Variants in FSTL4 observed in about 807,000 individuals in gnomAD.
FSTL4 encodes the protein follistatin-related protein 4.
FSTL4 carries 28 observed loss-of-function variants against 78.2 expected under a neutral mutation model. That is an observed-to-expected ratio of 0.36 (90% CI 0.27 to 0.49). The LOEUF (loss-of-function observed/expected upper bound fraction) is 0.49. Ranked by LOEUF, FSTL4 falls within the 20% of genes least tolerant of loss-of-function variation. The pLI is 0.98. For synonymous variants in FSTL4, 422 were observed against 440.5 expected (o/e 0.96, Z 0.53); for missense variants, 922 against 1,084.9 (o/e 0.85, Z 2.11).
At chr5:133,604,584 C>T (rs1388063911) in intron 1 of FSTL4, among the ~76,000 whole-genome samples, 1 of 152,134 alleles carries the variant, frequency 6.6e-6, no homozygotes, top group South Asian at 2.1e-4. Flanking sequence ...TAGCAGGCAC[C>T]TGTAATTCCA....
the FSTL4 span, among the ~76,000 whole-genome samples, chr5:133,770,831 G>GT: frequency 6.6e-6 from 1 of 151,956 alleles, no homozygotes; most frequent in East Asian, 1.9e-4. Flanking sequence ...TTTTTCATAG[G>GT]TTTTCTTCTA....
chr5:133,615,764 A>C (rs2112991181), upstream of FSTL4, among the ~76,000 whole-genome samples: 1 of 152,350 alleles, frequency 6.6e-6, no homozygotes, highest in African/African-American at 2.4e-5. Flanking sequence ...ATTGTTTTTA[A>C]CTTTATTTCA....
At chr5:133,727,579 G>A in the FSTL4 span, among the ~76,000 whole-genome samples, 2 of 152,200 alleles carry the variant, frequency 1.3e-5, no homozygotes, top group Admixed American at 6.5e-5. Flanking sequence ...GCCCTACAAG[G>A]TTGAGGTAGG....
intron 3 of FSTL4, among the ~76,000 whole-genome samples, chr5:133,455,360 C>T (rs80120898): frequency 0.038 from 5,804 of 152,222 alleles, 156 homozygotes; most frequent in African/African-American, 0.065. Context: ...GGCAAGGAAA[C>T]GCTGAACCCA....
In FSTL4 at chr5:133,249,521, G is replaced by A. The variant is rs375676940; in HGVS notation, c.783C>T (p.Thr261=). The A allele has an allele frequency of 5.9e-5, 95 of 1,613,482 alleles. No individual in the cohort carries two copies. Among genetic ancestry groups the A allele is most frequent in the Non-Finnish European group, 7.0e-5 (83 of 1,179,596 alleles). Residue 261 remains threonine, a synonymous_variant, in exon 7 of 16, where the codon ACC becomes ACT. Transcript: ENST00000265342. ...AGGTCAGCACTGTGCTCAGCCCCACGGTCACTGTGGTCACACTGACCCTGT... is the reference window on the plus strand; with the variant it reads ...AGGTCAGCACTGTGCTCAGCCCCACAGTCACTGTGGTCACACTGACCCTGT... ...PEDRVSVTTV[T]VGLSTVLTCA... is the part of the protein sequence containing the mutation.
chr5:133,725,122 A>G, the FSTL4 span, among the ~76,000 whole-genome samples: 1 of 152,212 alleles, frequency 6.6e-6, no homozygotes, highest in Non-Finnish European at 1.5e-5. Context: ...GTAGCTTTAT[A>G]GTAAGCCTTT....
At chr5:133,808,562 A>G in the FSTL4 span, among the ~76,000 whole-genome samples, 2 of 152,266 alleles carry the variant, frequency 1.3e-5, no homozygotes, top group Non-Finnish European at 2.9e-5. Context: ...TGAACTTCGC[A>G]GTATTAAAAA....
At position 133,313,210 on chromosome 5, in the gene FSTL4, T is replaced by G. The variant is rs770349890; in HGVS notation, c.604-433A>C. On this transcript the variant is annotated intron_variant, in intron 5 of 15. Transcript: ENST00000265342. ...AGAGGTCTGCCAGCTTCCAGCTGCATAGAGCTGGAGGTCACTGCTGCATCA... is the reference window on the plus strand; with the variant it reads ...AGAGGTCTGCCAGCTTCCAGCTGCAGAGAGCTGGAGGTCACTGCTGCATCA... Among the ~76,000 whole-genome samples the G allele has an allele frequency of 2.6e-5, 4 of 152,172 alleles. No individual in the cohort carries two copies. In the East Asian group the frequency reaches 7.7e-4, roughly 29 times the overall value.
At chr5:133,297,150 A>G (rs1399616683) in intron 6 of FSTL4, among the ~76,000 whole-genome samples, 2 of 152,226 alleles carry the variant, frequency 1.3e-5, no homozygotes, top group East Asian at 1.9e-4. Flanking sequence ...TACCAAAAAA[A>G]CTGATTTTGC....
chr5:133,304,006 C>T (rs1016081615), intron 6 of FSTL4, among the ~76,000 whole-genome samples: 7 of 152,118 alleles, frequency 4.6e-5, no homozygotes, highest in Admixed American at 2.0e-4. Flanking sequence ...GAGGTAGCCT[C>T]GGCCATGCAA....
chr5:133,817,224 A>G, the FSTL4 span, among the ~76,000 whole-genome samples: 1 of 152,230 alleles, frequency 6.6e-6, no homozygotes, highest in Non-Finnish European at 1.5e-5. Flanking sequence ...ATGGATGCAA[A>G]CACAGAGGCT....
At chr5:133,759,405 C>T in the FSTL4 span, among the ~76,000 whole-genome samples, 1 of 152,164 alleles carries the variant, frequency 6.6e-6, no homozygotes, top group Non-Finnish European at 1.5e-5. Flanking sequence ...ATGCACTGAT[C>T]TCAACATGTA....
chr5:133,509,963 C>T (rs984960044), intron 3 of FSTL4, among the ~76,000 whole-genome samples: 2 of 152,198 alleles, frequency 1.3e-5, no homozygotes, highest in Non-Finnish European at 2.9e-5. Context: ...ATCTGGTTTC[C>T]GATATGGAGT....
intron 4 of FSTL4, chr5:133,387,800 A>G (rs1313831456): frequency 6.6e-6 from 1 of 151,706 alleles, no homozygotes; most frequent in Admixed American, 6.6e-5. Context: ...CTTTCTGGGG[A>G]GCACACTCTA....
chr5:133,513,994 C>T (rs965867558), intron 3 of FSTL4, among the ~76,000 whole-genome samples: 4 of 151,898 alleles, frequency 2.6e-5, no homozygotes, highest in Admixed American at 6.6e-5. Context: ...CTGGCTAACA[C>T]GGTGAAACCC....
chr5:133,752,614 AAAAT>A, the FSTL4 span, among the ~76,000 whole-genome samples: 484 of 151,698 alleles, frequency 3.2e-3, 5 homozygotes, highest in African/African-American at 0.011. Context: ...TGTCTCAAAT[AAAAT>A]AAAATAAAAT....
intron 3 of FSTL4, among the ~76,000 whole-genome samples, chr5:133,514,184 T>TAATAAC (rs1450617019): frequency 9.7e-6 from 1 of 102,592 alleles, no homozygotes; most frequent in Non-Finnish European, 1.8e-5. Flanking sequence ...GTCTCAATGA[T>TAATAAC]AATAATAATA....
intron 3 of FSTL4, among the ~76,000 whole-genome samples, chr5:133,421,181 A>G (rs1173336014): frequency 6.6e-6 from 1 of 152,232 alleles, no homozygotes; most frequent in Non-Finnish European, 1.5e-5. Flanking sequence ...CAGGCATCTC[A>G]GGGCGGGGCA....
intron 4 of FSTL4, among the ~76,000 whole-genome samples, chr5:133,353,794 G>T (rs1320527448): frequency 6.6e-6 from 1 of 152,228 alleles, no homozygotes; most frequent in East Asian, 1.9e-4. Context: ...TGCCTGCGGG[G>T]CTTTGTTCAC....
Sources: allele counts gnomAD v4.1 joint callset (sites outside exome capture counted in the v4.1 genomes callset), GRCh38; gene constraint gnomAD v4.1.1; transcripts MANE v1.5; gene names NCBI Gene and HGNC (gene_info 2026-07-23, HGNC 2026-07-21).